The following CFAP47 variants were observed in gnomAD, a reference collection of about 807,000 sequenced individuals.
The protein encoded by CFAP47 is cilia- and flagella-associated protein 47.
A neutral mutation model predicts 148.1 loss-of-function variants in CFAP47; 29 were observed. The observed-to-expected ratio is 0.20, with a 90% CI of 0.15 to 0.27. The LOEUF (loss-of-function observed/expected upper bound fraction) is 0.27. Among genes scored for constraint, CFAP47 ranks in the 10% least tolerant of loss-of-function variants. CFAP47 has a pLI of 1.00. For synonymous variants in CFAP47, 664 were observed against 577.3 expected, an observed-to-expected ratio of 1.15 and a Z score of -2.15; for missense variants, 1,872 against 1,697.5, an observed-to-expected ratio of 1.10 and a Z score of -1.81.
intron 29 of CFAP47, among the ~76,000 whole-genome samples, chrX:36,074,644 C>T (rs1299361159): frequency 2.7e-5 from 3 of 110,872 alleles, no homozygotes; most frequent in South Asian, 3.8e-4. Context: ...TATAATTATA[C>T]GGTACACAGC....
At chrX:36,290,128 T>C (rs1020657425) in intron 51 of CFAP47, among the ~76,000 whole-genome samples, 2 of 110,535 alleles carry the variant, frequency 1.8e-5, no homozygotes, top group Non-Finnish European at 1.9e-5. Flanking sequence ...TCATCTATGC[T>C]GGCCAAGCTC....
intron 30 of CFAP47, among the ~76,000 whole-genome samples, chrX:36,096,901 C>G (rs754427585): frequency 9.0e-6 from 1 of 111,009 alleles, no homozygotes; most frequent in Admixed American, 9.6e-5. Flanking sequence ...TTCTCATTGT[C>G]TCCTCTTTCT....
chrX:36,232,267 A>G (rs1189610414), intron 46 of CFAP47, among the ~76,000 whole-genome samples: 3 of 111,614 alleles, frequency 2.7e-5, no homozygotes, highest in Non-Finnish European at 5.7e-5. Flanking sequence ...TTGGTAAGCT[A>G]TTGATTATTG....
intron 23 of CFAP47, among the ~76,000 whole-genome samples, chrX:36,031,552 A>G (rs1211565842): frequency 1.8e-5 from 2 of 110,382 alleles, no homozygotes; most frequent in East Asian, 5.6e-4. Context: ...TTTTCAAAAT[A>G]TACAAATACA....
At chrX:35,976,073 A>T (rs1936566570) in intron 15 of CFAP47, among the ~76,000 whole-genome samples, 160 bp downstream of exon 15, 1 of 111,427 alleles carries the variant, frequency 9.0e-6, no homozygotes, top group Admixed American at 9.6e-5. Context: ...CAGATATAAT[A>T]TGATTTGGAA....
At chrX:36,031,139 T>C (rs886148043) in intron 22 of CFAP47, 114 bp from the exon 23 acceptor site, 1 of 259,219 alleles carries the variant, frequency 3.9e-6, no homozygotes, top group Non-Finnish European at 6.8e-6. Context: ...AATATAAAAA[T>C]ATATAGAAAC....
intron 25 of CFAP47, among the ~76,000 whole-genome samples, chrX:36,041,855 G>A (rs928740674): frequency 2.8e-5 from 3 of 105,445 alleles, no homozygotes; most frequent in Non-Finnish European, 5.8e-5. Flanking sequence ...GAACCTGGGC[G>A]GCAGAGGTTG....
Position 36,303,847 on chromosome X carries a change from A to T in CFAP47, c.7971-2A>T, listed in dbSNP as rs1569313145. On this transcript the variant is annotated splice_acceptor_variant, in intron 53 of 63. Coordinates refer to ENST00000378653, the MANE Select transcript of CFAP47 (RefSeq NM_001304548.2). LOFTEE classifies it high-confidence loss of function. ...ACTTTACTAGCTTTTTTTTTCTCCT[A>T]GGCATGTCACTCAGATCATTCCTTT... The T allele has an allele frequency of 1.9e-6, 2 of 1,062,670 alleles. No homozygotes were observed. Among genetic ancestry groups the T allele is most frequent in the Admixed American group, 3.3e-5 (1 of 30,412 alleles). 87.6% of individuals were successfully genotyped at this position (1,062,670 alleles called of 1,213,427 possible). A position where few individuals can be genotyped will look rare whatever the true frequency, so the allele number is the denominator to read the frequency against.
In CFAP47 at chrX:36,039,101, C is replaced by G; in HGVS notation, c.3929C>G (p.Pro1310Arg). 1 of 1,103,970 alleles carries G rather than the reference C, an allele frequency of 9.1e-7. No homozygotes were observed. The highest frequency in any genetic ancestry group is 2.4e-4 in the Middle Eastern group (1 of 4,130). 91.0% of individuals were successfully genotyped at this position (1,103,970 alleles called of 1,213,427 possible). A position where few individuals can be genotyped will look rare whatever the true frequency, so the allele number is the denominator to read the frequency against. The change falls in exon 25 of 64, where the codon CCA becomes CGA. Residue 1310 changes from proline (P) to arginine (R), a missense_variant. By Grantham distance (103) the Pro-to-Arg change is moderately radical. Coordinates refer to ENST00000378653, the MANE Select transcript of CFAP47 (RefSeq NM_001304548.2). ...TCACCAGAGTTATTGTTTGACCCTC[C>G]ATTTATATTTTTCACTCCTGTTCCT... ...VKSPELLFDP[P>R]FIFFTPVPLD...
At chrX:35,927,152 C>G (rs1423811510) in intron 2 of CFAP47, among the ~76,000 whole-genome samples, 10 of 92,382 alleles carry the variant, frequency 1.1e-4, no homozygotes, top group Non-Finnish European at 2.1e-4. Flanking sequence ...GAGACCCTAT[C>G]TCAAAAAAAA....
At chrX:36,032,875 A>T (rs1349255772) in intron 23 of CFAP47, among the ~76,000 whole-genome samples, 1 of 111,558 alleles carries the variant, frequency 9.0e-6, no homozygotes, top group Non-Finnish European at 1.9e-5. Context: ...TGAGTGGTTA[A>T]AAGCAGAGAA....
intron 3 of CFAP47, among the ~76,000 whole-genome samples, chrX:35,947,912 A>T (rs1282581400): frequency 3.6e-5 from 4 of 111,783 alleles, no homozygotes. Flanking sequence ...CTTGAATTCT[A>T]ACAACAGGAT....
chrX:36,145,513 G>A (rs1939220679), intron 36 of CFAP47, among the ~76,000 whole-genome samples, 160 bp downstream of exon 36: 1 of 111,856 alleles, frequency 8.9e-6, no homozygotes, highest in African/African-American at 3.2e-5. Flanking sequence ...TAAGCCAAAG[G>A]TCTAGATGAG....
chrX:36,006,040 A>G (rs1348096442), intron 21 of CFAP47, among the ~76,000 whole-genome samples: 2 of 111,077 alleles, frequency 1.8e-5, no homozygotes, highest in Non-Finnish European at 3.8e-5. Flanking sequence ...TTGTGATTTT[A>G]TATTTTCATA....
chrX:36,197,542 C>T (rs1461577908), intron 42 of CFAP47, among the ~76,000 whole-genome samples: 1 of 112,103 alleles, frequency 8.9e-6, no homozygotes, highest in African/African-American at 3.2e-5. Context: ...TTTTCCTCTA[C>T]TTGAATTACT....
intron 30 of CFAP47, among the ~76,000 whole-genome samples, chrX:36,098,075 T>C (rs112889608): frequency 1.8e-5 from 2 of 112,055 alleles, no homozygotes; most frequent in African/African-American, 6.5e-5. Context: ...TTCTGCTTAA[T>C]CAATTCTGCT....
rs770553538 is a variant in CFAP47 at position 36,080,287 on chromosome X, T to G, written c.4692-5027T>G. ...ATTAAAAAGTCAGGAAACGAGGTACTGGAGAGGATGTGGAGAAATAGGAAC... is the reference window on the plus strand; with the variant it reads ...ATTAAAAAGTCAGGAAACGAGGTACGGGAGAGGATGTGGAGAAATAGGAAC... On this transcript the variant is annotated intron_variant, in intron 29 of 63. Coordinates refer to ENST00000378653, the MANE Select transcript of CFAP47 (RefSeq NM_001304548.2). 2.6e-4 allele frequency among the ~76,000 whole-genome samples: 29 copies of G among 111,382 alleles called. 1 individual carries two copies. Among genetic ancestry groups the G allele is most frequent in the Admixed American group, 3.8e-4 (4 of 10,476 alleles).
intron 22 of CFAP47, among the ~76,000 whole-genome samples, chrX:36,017,206 C>G (rs1014969600): frequency 1.8e-5 from 2 of 111,969 alleles, no homozygotes; most frequent in Non-Finnish European, 3.8e-5. Context: ...TTTGTTGCAG[C>G]ACTGTTCATG....
At chrX:36,250,898 G>T (rs1555998092) in intron 48 of CFAP47, among the ~76,000 whole-genome samples, 1 of 110,723 alleles carries the variant, frequency 9.0e-6, no homozygotes, top group Non-Finnish European at 1.9e-5. Context: ...TTTAGCCAGG[G>T]TGTGGTCAAA....
Sources: gnomAD v4.1 joint callset for allele counts (sites outside exome capture counted in the v4.1 genomes callset) on GRCh38, gnomAD v4.1.1 for gene constraint, MANE v1.5 for transcripts, NCBI Gene and HGNC (gene_info 2026-07-23, HGNC 2026-07-21) for gene names.